The following CDH13 variants were observed in gnomAD, a reference collection of about 807,000 sequenced individuals.
CDH13 encodes cadherin-13.
CDH13 carries 24 observed loss-of-function variants against 63.8 expected under a neutral mutation model. The observed-to-expected ratio is 0.38, with a 90% CI of 0.27 to 0.53. The LOEUF (loss-of-function observed/expected upper bound fraction) is 0.53, where lower values mean the gene tolerates loss of function less well. CDH13 is among the 20% of genes least tolerant of loss of function. The pLI is 0.85. For missense variants in CDH13, 1,049 were observed against 903.1 expected (o/e 1.16, Z -2.07); for synonymous variants, 503 against 355.3 (o/e 1.42, Z -4.67).
At chr16:83,287,468 C>G (rs2089347409) in intron 5 of CDH13, among the ~76,000 whole-genome samples, 2 of 151,900 alleles carry the variant, frequency 1.3e-5, no homozygotes, top group Middle Eastern at 3.4e-3. Context: ...CACCTCCTGT[C>G]AGATCAGGGG....
At chr16:83,378,487 A>T (rs561663424) in intron 6 of CDH13, among the ~76,000 whole-genome samples, 1 of 152,200 alleles carries the variant, frequency 6.6e-6, no homozygotes, top group Non-Finnish European at 1.5e-5. Flanking sequence ...TTTGTCTCAT[A>T]TCTCCAATAA....
At chr16:82,968,687 C>G (rs1053888638) in intron 2 of CDH13, among the ~76,000 whole-genome samples, 2 of 152,202 alleles carry the variant, frequency 1.3e-5, no homozygotes, top group Non-Finnish European at 2.9e-5. Context: ...GAATTATTCT[C>G]TTCTTGGCAG....
chr16:83,143,327 AT>A (rs2036615388), intron 4 of CDH13, among the ~76,000 whole-genome samples: 1 of 152,218 alleles, frequency 6.6e-6, no homozygotes, highest in Non-Finnish European at 1.5e-5. Flanking sequence ...AGAAGAAAAA[AT>A]ATTTAGGAAA....
chr16:82,900,744 G>A (rs1461952737), intron 2 of CDH13, among the ~76,000 whole-genome samples: 7 of 152,250 alleles, frequency 4.6e-5, no homozygotes, highest in Admixed American at 2.6e-4. Flanking sequence ...TGCTAAGGCA[G>A]GTGATATTTC....
intron 8 of CDH13, among the ~76,000 whole-genome samples, chr16:83,659,143 C>G (rs375583518): frequency 2.8e-5 from 4 of 143,412 alleles, no homozygotes; most frequent in African/African-American, 8.2e-5. Flanking sequence ...TCCTCACCAG[C>G]AAGGTCCCAT....
At chr16:83,225,070 G>C (rs2039801302) in intron 5 of CDH13, among the ~76,000 whole-genome samples, 1 of 152,122 alleles carries the variant, frequency 6.6e-6, no homozygotes, top group Non-Finnish European at 1.5e-5. Context: ...AAATTGTTAG[G>C]TGCTTTCCCA....
chr16:83,443,705 GAAAAAAAAAAAAAAA>G (rs1167862979), intron 6 of CDH13, among the ~76,000 whole-genome samples: 15 of 107,118 alleles, frequency 1.4e-4, no homozygotes, highest in African/African-American at 3.0e-4. Context: ...AAGTCCCTAC[GAAAAAAAAAAAAAAA>G]AAAAAAAAAA....
chr16:83,311,737 C>T (rs534577359), intron 5 of CDH13, among the ~76,000 whole-genome samples: 1 of 152,300 alleles, frequency 6.6e-6, no homozygotes, highest in African/African-American at 2.4e-5. Flanking sequence ...TCTTCAAAGC[C>T]AATTTTATTC....
chr16:83,299,839 G>T (rs995471647), intron 5 of CDH13, among the ~76,000 whole-genome samples: 3 of 152,186 alleles, frequency 2.0e-5, no homozygotes, highest in African/African-American at 7.2e-5. Context: ...TGAGCTCACA[G>T]CTTAGTGAGA....
intron 8 of CDH13, among the ~76,000 whole-genome samples, chr16:83,630,834 G>T (rs1910715596): frequency 6.6e-6 from 1 of 152,186 alleles, no homozygotes; most frequent in Admixed American, 6.5e-5. Context: ...TTCTATATTT[G>T]TAGCTATCTT....
intron 4 of CDH13, among the ~76,000 whole-genome samples, chr16:83,126,968 T>A (rs1430882057): frequency 6.7e-6 from 1 of 149,314 alleles, no homozygotes; most frequent in Non-Finnish European, 1.5e-5. Context: ...GATGAAGGAG[T>A]AGAGGGAGGA....
chr16:83,469,772 G>A (rs566997978), intron 6 of CDH13, among the ~76,000 whole-genome samples: 14 of 152,282 alleles, frequency 9.2e-5, no homozygotes, highest in African/African-American at 2.9e-4. Context: ...TTTGCAACAC[G>A]TAGGCATGAT....
chr16:83,697,757 C>T (rs555499033), intron 10 of CDH13, among the ~76,000 whole-genome samples: 3 of 152,342 alleles, frequency 2.0e-5, no homozygotes, highest in African/African-American at 7.2e-5. Context: ...AAGCAATTCT[C>T]CTGCCTCAGC....
At chr16:83,114,743 TC>T (rs2035217402) in intron 3 of CDH13, among the ~76,000 whole-genome samples, 1 of 152,214 alleles carries the variant, frequency 6.6e-6, no homozygotes, top group African/African-American at 2.4e-5. Context: ...GTTGGGTTTT[TC>T]TTCCTTAAGT....
intron 5 of CDH13, among the ~76,000 whole-genome samples, chr16:83,239,512 G>C (rs1012948941): frequency 6.3e-5 from 9 of 143,534 alleles, no homozygotes; most frequent in Non-Finnish European, 1.4e-4. Flanking sequence ...CATCATGCTG[G>C]GTAATTGTCT....
intron 1 of CDH13, among the ~76,000 whole-genome samples, chr16:82,681,931 C>G (rs1914594404): frequency 6.6e-6 from 1 of 152,250 alleles, no homozygotes; most frequent in South Asian, 2.1e-4. Flanking sequence ...CAGCAGTTCC[C>G]AGGCTTAGTG....
chr16:83,119,787 G>A (rs2035481810), intron 3 of CDH13, among the ~76,000 whole-genome samples: 1 of 152,156 alleles, frequency 6.6e-6, no homozygotes, highest in Non-Finnish European at 1.5e-5. Context: ...CACGGTCCCA[G>A]TCATACAGAA....
intron 6 of CDH13, among the ~76,000 whole-genome samples, chr16:83,442,359 C>G (rs918865166): frequency 5.9e-5 from 9 of 152,176 alleles, no homozygotes; most frequent in African/African-American, 2.2e-4. Flanking sequence ...TGCCTCCCAC[C>G]TCCATGAGCA....
chr16:83,253,985 T>C (rs1406763142), intron 5 of CDH13, among the ~76,000 whole-genome samples: 3 of 152,276 alleles, frequency 2.0e-5, no homozygotes, highest in East Asian at 1.9e-4. Context: ...CAATCTTAGA[T>C]AGAGAGCCAG....
Sources: gnomAD v4.1 joint callset for allele counts (sites outside exome capture counted in the v4.1 genomes callset) on GRCh38, gnomAD v4.1.1 for gene constraint, MANE v1.5 for transcripts, NCBI Gene and HGNC (gene_info 2026-07-23, HGNC 2026-07-21) for gene names.